TPRG1: variants seen among roughly 807,000 people sequenced by gnomAD.
TPRG1 encodes the protein tumor protein p63 regulated 1, also known as tumor protein p63-regulated gene 1 protein.
In TPRG1, 29 loss-of-function variants were observed where a neutral mutation model predicts 29.3. The observed-to-expected ratio is 0.99, with a 90% confidence interval of 0.74 to 1.35. The LOEUF is 1.35. TPRG1 is among the 40% of genes most tolerant of loss of function. TPRG1 has a pLI of 0.00. For synonymous variants in TPRG1, 130 were observed against 116.8 expected, an observed-to-expected ratio of 1.11 and a Z score of -0.73; for missense variants, 327 against 335.0, an observed-to-expected ratio of 0.98 and a Z score of 0.19.
intron 1 of TPRG1, among the ~76,000 whole-genome samples, chr3:189,124,413 G>A (rs1218172265): frequency 6.6e-6 from 1 of 152,078 alleles, no homozygotes; most frequent in Non-Finnish European, 1.5e-5. Context: ...TGGGAGATGG[G>A]GAAAGTGAAA....
At chr3:189,184,919 C>T (rs1560524619) in intron 1 of TPRG1, among the ~76,000 whole-genome samples, 1 of 152,116 alleles carries the variant, frequency 6.6e-6, no homozygotes, top group African/African-American at 2.4e-5. Context: ...CTTATAGTTC[C>T]CTTGGAGATA....
At chr3:189,141,998 G>C (rs1175985906) in intron 3 of TPRG1, among the ~76,000 whole-genome samples, 1 of 152,128 alleles carries the variant, frequency 6.6e-6, no homozygotes, top group African/African-American at 2.4e-5. Flanking sequence ...CCTGTTCAAA[G>C]ACCTGAAAGA....
intron 4 of TPRG1, among the ~76,000 whole-genome samples, chr3:189,251,507 G>A (rs1006716104): frequency 3.9e-5 from 6 of 152,080 alleles, no homozygotes; most frequent in East Asian, 1.9e-4. Flanking sequence ...TTCAGCATAC[G>A]GAGGATCCCG....
At chr3:189,298,371 T>C (rs956147171) in intron 4 of TPRG1, among the ~76,000 whole-genome samples, 1 of 152,220 alleles carries the variant, frequency 6.6e-6, no homozygotes, top group Non-Finnish European at 1.5e-5. Context: ...AGTGATGAGA[T>C]AGACCCTTTA....
chr3:189,157,739 C>T (rs1726885337), intron 5 of TPRG1, among the ~76,000 whole-genome samples: 1 of 152,132 alleles, frequency 6.6e-6, no homozygotes, highest in South Asian at 2.1e-4. Flanking sequence ...AGGAGGATGA[C>T]AAATTTGTGG....
rs564170615 is a variant in TPRG1, at chr3:189,038,570, T to C, written c.-463+14624T>C. Among the ~76,000 whole-genome samples the C allele has an allele frequency of 2.2e-3, 328 of 152,132 alleles. 1 individual carries two copies. The highest frequency in any genetic ancestry group is 3.5e-3 in the Non-Finnish European group (235 of 67,962). Reference sequence around the variant, plus strand: ...GGCAACTTCGGGGTGGGGAATGATTTCTGGAACAATACTCCCAAAATTAAA... The same window carrying C: ...GGCAACTTCGGGGTGGGGAATGATTCCTGGAACAATACTCCCAAAATTAAA... On this transcript the variant is annotated intron_variant, in intron 4 of 10. Transcript: ENST00000433971.
chr3:189,176,207 C>T (rs1247378564), intron 1 of TPRG1, among the ~76,000 whole-genome samples: 2 of 152,126 alleles, frequency 1.3e-5, no homozygotes. Context: ...GTGGGATTGG[C>T]TTAGAGTTGT....
intron 5 of TPRG1, among the ~76,000 whole-genome samples, chr3:189,151,467 C>G (rs13087996): frequency 6.6e-6 from 1 of 151,870 alleles, no homozygotes; most frequent in South Asian, 2.1e-4. Flanking sequence ...TAAGGTATTA[C>G]TTTGTGCTTA....
chr3:189,270,053 TTC>T (rs1368871868), intron 4 of TPRG1, among the ~76,000 whole-genome samples: 1 of 146,836 alleles, frequency 6.8e-6, no homozygotes, highest in East Asian at 2.0e-4. Flanking sequence ...CTTCTTCTTC[TTC>T]TTCTTTTTTG....
intron 4 of TPRG1, among the ~76,000 whole-genome samples, chr3:189,045,971 A>T (rs904935758): frequency 3.9e-5 from 6 of 152,088 alleles, no homozygotes; most frequent in Non-Finnish European, 5.9e-5. Context: ...ATAAGGGAAA[A>T]CTCAGCAGCA....
intron 1 of TPRG1, among the ~76,000 whole-genome samples, chr3:189,200,149 C>T (rs1177236074): frequency 1.3e-5 from 2 of 152,210 alleles, no homozygotes; most frequent in African/African-American, 4.8e-5. Context: ...GAGCAGAGGA[C>T]TCTGCCTGGC....
rs73061005 is a variant in TPRG1 at position 189,219,676 on chromosome 3, G to A, written c.302+4293G>A. 7 of 1,282,522 alleles carry A rather than the reference G, an allele frequency of 5.5e-6. No homozygotes were observed. In the East Asian group the frequency reaches 1.7e-4, roughly 31 times the overall value. 79.4% of individuals were successfully genotyped at this position (1,282,522 alleles called of 1,614,324 possible). On this transcript the variant is annotated intron_variant, in intron 3 of 5. Transcript: ENST00000345063. ...GGCTCTTCAGCAGAATGTACTTGAG[G>A]TGTCTTTGTCTACAATGGTTAAAGA...
chr3:189,233,166 A>ATG (rs59388844), intron 3 of TPRG1, among the ~76,000 whole-genome samples: 3,336 of 148,858 alleles, frequency 0.022, 47 homozygotes, highest in Non-Finnish European at 0.026. Context: ...CTGAGTGTGT[A>ATG]TGTGTGTGTG....
intron 1 of TPRG1, among the ~76,000 whole-genome samples, chr3:189,100,373 A>T (rs1286523393): frequency 6.6e-6 from 1 of 152,208 alleles, no homozygotes; most frequent in African/African-American, 2.4e-5. Flanking sequence ...GGGGAAAATG[A>T]AAAATCATTC....
At chr3:189,286,262 C>A (rs956023163) in intron 4 of TPRG1, among the ~76,000 whole-genome samples, 2 of 152,018 alleles carry the variant, frequency 1.3e-5, no homozygotes, top group African/African-American at 2.4e-5. Flanking sequence ...AAAACAGGAA[C>A]TTTCCCACTG....
At chr3:189,077,510 C>T (rs1488988237) in intron 4 of TPRG1, among the ~76,000 whole-genome samples, 3 of 152,020 alleles carry the variant, frequency 2.0e-5, no homozygotes, top group Non-Finnish European at 2.9e-5. Context: ...GAAAAAGACA[C>T]AAGGAATTTT....
intron 3 of TPRG1, among the ~76,000 whole-genome samples, chr3:189,145,261 C>T (rs1471276116): frequency 1.3e-5 from 2 of 150,654 alleles, no homozygotes; most frequent in African/African-American, 4.9e-5. Context: ...ACTCAGGAGG[C>T]TGAGGCAGGA....
chr3:189,234,596 C>T (rs1188537881), intron 3 of TPRG1, among the ~76,000 whole-genome samples: 1 of 152,066 alleles, frequency 6.6e-6, no homozygotes, highest in Non-Finnish European at 1.5e-5. Context: ...AATATATAAA[C>T]CTGAAAGTCG....
At chr3:189,298,776 A>G (rs993980585) in intron 4 of TPRG1, among the ~76,000 whole-genome samples, 1 of 152,240 alleles carries the variant, frequency 6.6e-6, no homozygotes, top group East Asian at 1.9e-4. Context: ...GAAATATCAT[A>G]AACTTCTTCA....
Sources: gnomAD v4.1 joint callset for allele counts (sites outside exome capture counted in the v4.1 genomes callset) on GRCh38, gnomAD v4.1.1 for gene constraint, MANE v1.5 for transcripts, NCBI Gene and HGNC (gene_info 2026-07-23, HGNC 2026-07-21) for gene names.